CTSC: variants seen among roughly 807,000 people sequenced by gnomAD.
CTSC encodes cathepsin C.
In CTSC, 37 loss-of-function variants were observed where a neutral mutation model predicts 40.9. The observed-to-expected ratio is 0.91, with a 90% confidence interval of 0.70 to 1.19. CTSC has a LOEUF of 1.19. CTSC is among the 50% of genes most tolerant of loss of function. CTSC has a pLI of 0.00. For missense variants in CTSC, 594 were observed against 567.3 expected, an observed-to-expected ratio of 1.05 and a Z score of -0.48; for synonymous variants, 232 against 207.4, an observed-to-expected ratio of 1.12 and a Z score of -1.02.
chr11:88,337,507 C>A lies in CTSC; in HGVS notation c.166G>T (p.Val56Phe). 6.4e-7 allele frequency: 1 copy of A among 1,572,886 alleles called. No individual in the cohort carries two copies. Residue 56 changes from valine (V) to phenylalanine (F), a missense_variant, in exon 1 of 7, where the codon GTT becomes TTT. Val to Phe is a conservative substitution (Grantham distance 50, BLOSUM62 -1). Coordinates refer to ENST00000227266, the MANE Select transcript of CTSC (RefSeq NM_001814.6). ...TGCCGAGCCGGCGGCTTACCCATAA[C>A]CGAGCAGTTGACATCGCGCTGGGAA... ...SGSQRDVNCS[V>F]MGPQEKKVVV...
intron 2 of CTSC, among the ~76,000 whole-genome samples, chr11:88,313,051 G>A (rs1937798498): frequency 6.6e-6 from 1 of 152,128 alleles, no homozygotes; most frequent in Non-Finnish European, 1.5e-5. Context: ...GCCACACTAG[G>A]AAACTACAAG....
At chr11:88,326,153 ATT>A (rs368047543) in intron 2 of CTSC, 1 of 1,304,366 alleles carries the variant, frequency 7.7e-7, no homozygotes, top group Non-Finnish European at 9.7e-7. Flanking sequence ...CATCTTCAGA[ATT>A]TTTTTTTCCT....
intron 2 of CTSC, among the ~76,000 whole-genome samples, chr11:88,319,855 T>C (rs1937958528): frequency 6.6e-6 from 1 of 152,202 alleles, no homozygotes; most frequent in Non-Finnish European, 1.5e-5. Context: ...TGGAGTTGAA[T>C]GATTTGATGA....
At chr11:88,307,002 G>A (rs1937647581) in intron 4 of CTSC, among the ~76,000 whole-genome samples, 1 of 152,164 alleles carries the variant, frequency 6.6e-6, no homozygotes, top group African/African-American at 2.4e-5. Context: ...GTAGGGCAAG[G>A]GCAACCAAAG....
intron 2 of CTSC, among the ~76,000 whole-genome samples, chr11:88,327,662 C>T (rs1173929183): frequency 6.6e-6 from 1 of 152,158 alleles, no homozygotes; most frequent in African/African-American, 2.4e-5. Context: ...GTCAATTTCT[C>T]TGTAAAAGCC....
intron 2 of CTSC, among the ~76,000 whole-genome samples, chr11:88,313,551 G>C (rs1226494265): frequency 6.6e-6 from 1 of 152,126 alleles, no homozygotes; most frequent in Non-Finnish European, 1.5e-5. Context: ...GAACTAAGAT[G>C]CTCTGGCTCC....
chr11:88,327,074 A>C (rs1427629595), intron 2 of CTSC, among the ~76,000 whole-genome samples: 1 of 152,272 alleles, frequency 6.6e-6, no homozygotes, highest in Non-Finnish European at 1.5e-5. Flanking sequence ...TTCTGAAATA[A>C]AGAAAACTAT....
chr11:88,306,778 T>C (rs1248000365), intron 4 of CTSC, among the ~76,000 whole-genome samples: 1 of 152,242 alleles, frequency 6.6e-6, no homozygotes, highest in Admixed American at 6.5e-5. Flanking sequence ...ATTGGACCCC[T>C]GCCCTTGCAA....
At chr11:88,304,094 T>TA in intron 4 of CTSC, among the ~76,000 whole-genome samples, 1 of 152,098 alleles carries the variant, frequency 6.6e-6, no homozygotes, top group South Asian at 2.1e-4. Context: ...ATATAAAGGA[T>TA]AAAAAAGAAA....
At chr11:88,315,647 G>T (rs115853717) in intron 2 of CTSC, among the ~76,000 whole-genome samples, 1 of 151,990 alleles carries the variant, frequency 6.6e-6, no homozygotes, top group Admixed American at 6.5e-5. Flanking sequence ...AGGTTCAAGA[G>T]AACACAGAAA....
At chr11:88,295,145 T>C (rs1285561810) in intron 6 of CTSC, among the ~76,000 whole-genome samples, 1 of 152,210 alleles carries the variant, frequency 6.6e-6, no homozygotes, top group Non-Finnish European at 1.5e-5. Context: ...TGTCTTGATA[T>C]ATTATAGCCC....
chr11:88,311,178 T>C (rs968944675), intron 3 of CTSC, among the ~76,000 whole-genome samples: 1 of 152,184 alleles, frequency 6.6e-6, no homozygotes, highest in Non-Finnish European at 1.5e-5. Flanking sequence ...GAGAGAATGT[T>C]TGAAATATCA....
chr11:88,328,043 C>T lies in CTSC; in HGVS notation c.318+6894G>A, dbSNP rs796820669. The T allele has an allele frequency of 2.9e-5, 28 of 973,124 alleles. No individual in the cohort carries two copies. In the African/African-American group the frequency reaches 4.2e-4, roughly 14 times the overall value. 60.3% of individuals were successfully genotyped at this position (973,124 alleles called of 1,614,324 possible). A position where few individuals can be genotyped will look rare whatever the true frequency, so the allele number is the denominator to read the frequency against. The stretch of plus-strand genomic sequence containing the variant: ...TGATGAATAAATAGGCATTAATTTG[C>T]ATAAGCCATCAGGAAGTGAGGAAGC... On this transcript the variant is annotated intron_variant, in intron 2 of 6. Transcript: ENST00000227266.
At position 88,320,823 on chromosome 11, in the gene CTSC, C is replaced by T. The variant is rs74558308; in HGVS notation, c.319-8269G>A. On this transcript the variant is annotated intron_variant, in intron 2 of 6. Coordinates refer to ENST00000227266, the MANE Select transcript of CTSC (RefSeq NM_001814.6). ...CAATACCACATGATATATTACATAACATTCTTTATTTTACAAGTATTTATT... is the reference window on the plus strand; with the variant it reads ...CAATACCACATGATATATTACATAATATTCTTTATTTTACAAGTATTTATT... 5.6e-3 allele frequency: 4,883 copies of T among 879,480 alleles called. 207 individuals are homozygous for T. In the African/African-American group the frequency reaches 0.081, roughly 15 times the overall value. 54.5% of individuals were successfully genotyped at this position (879,480 alleles called of 1,614,324 possible).
chr11:88,334,565 A>G (rs896861652), intron 2 of CTSC, among the ~76,000 whole-genome samples: 1 of 152,236 alleles, frequency 6.6e-6, no homozygotes, highest in Non-Finnish European at 1.5e-5. Context: ...TAACTGCAAG[A>G]AAACAAAATG....
intron 2 of CTSC, chr11:88,325,365 A>C (rs1025893782): frequency 2.3e-5 from 23 of 985,334 alleles, no homozygotes; most frequent in Non-Finnish European, 2.7e-5. Context: ...GCTTCAAGGC[A>C]GTTCTTCTCT....
At chr11:88,309,108 A>G in intron 4 of CTSC, 55 bp downstream of exon 4, 3 of 1,505,116 alleles carry the variant, frequency 2.0e-6, no homozygotes, top group Non-Finnish European at 2.8e-6. Flanking sequence ...CTTAGGAGGG[A>G]GGATGGTATT....
Position 88,294,077 on chromosome 11 carries a change from T to C in CTSC, c.1321A>G (p.Ile441Val). Residue 441 changes from isoleucine (I) to valine (V), a missense_variant, in exon 7 of 7, where the codon ATC (isoleucine) becomes GTC (valine). Ile to Val is a conservative substitution (Grantham distance 29, BLOSUM62 3). Coordinates refer to ENST00000227266, the MANE Select transcript of CTSC (RefSeq NM_001814.6). Reference sequence around the variant, plus strand: ...GCACACTCATCAGTTCCTCTGCGGATCCGGAAGTAGCCATTCTCACCCCAG... The same window carrying C: ...GCACACTCATCAGTTCCTCTGCGGACCCGGAAGTAGCCATTCTCACCCCAG... ...TGWGENGYFR[I>V]RRGTDECAIE... 1 of 1,614,006 alleles carries C rather than the reference T, an allele frequency of 6.2e-7. No homozygotes were observed. The highest frequency in any genetic ancestry group is 8.5e-7 in the Non-Finnish European group (1 of 1,180,006).
At chr11:88,313,338 G>C (rs925518736) in intron 2 of CTSC, among the ~76,000 whole-genome samples, 16 of 152,162 alleles carry the variant, frequency 1.1e-4, no homozygotes, top group African/African-American at 3.9e-4. Context: ...AAAGTGATGG[G>C]ATTACAGGTG....
Sources: gnomAD v4.1 joint callset for allele counts (sites outside exome capture counted in the v4.1 genomes callset) on GRCh38, gnomAD v4.1.1 for gene constraint, MANE v1.5 for transcripts, NCBI Gene and HGNC (gene_info 2026-07-23, HGNC 2026-07-21) for gene names.